DISP1: variants seen among roughly 807,000 people sequenced by gnomAD.
DISP1 encodes the protein dispatched RND transporter family member 1, also known as protein dispatched homolog 1.
DISP1 carries 30 observed loss-of-function variants against 37.3 expected under a neutral mutation model. The ratio of observed to expected loss-of-function variants is 0.80; its 90% CI spans 0.60 to 1.09. DISP1 has a LOEUF of 1.09. Among genes scored for constraint, DISP1 ranks in the 50% least tolerant of loss-of-function variants. The pLI is 0.00. For synonymous variants in DISP1, 634 were observed against 690.2 expected (o/e 0.92, Z 1.28); for missense variants, 1,598 against 1,879.5 (o/e 0.85, Z 2.77).
chr1:222,891,470 G>A (rs1670938046), intron 1 of DISP1, among the ~76,000 whole-genome samples: 1 of 152,122 alleles, frequency 6.6e-6, no homozygotes, highest in African/African-American at 2.4e-5. Flanking sequence ...TAGGTCAAAA[G>A]TAGGCTAAAA....
chr1:222,987,419 G>A (rs750955974), intron 4 of DISP1, among the ~76,000 whole-genome samples: 3 of 152,206 alleles, frequency 2.0e-5, no homozygotes, highest in African/African-American at 2.4e-5. Context: ...AAAGGTTAGC[G>A]TGGGAAACAT....
rs769585849 is a variant in DISP1, at chr1:223,002,953, G to A, written c.1556G>A (p.Cys519Tyr). Reference protein sequence around the residue: ...IAIVIVLLVMCVYTKSMFITL... With the variant: ...IAIVIVLLVMYVYTKSMFITL... ...ATTGTGATTGTCCTTTTAGTTATGT[G>A]TGTCTACACCAAGTCCATGTTTATC... Residue 519 changes from cysteine (C) to tyrosine (Y), a missense_variant, in exon 9 of 9, where the codon TGT becomes TAT. Transcript: ENST00000675850. The A allele has an allele frequency of 6.2e-7, 1 of 1,613,862 alleles. No individual in the cohort carries two copies. The highest frequency in any genetic ancestry group is 1.7e-5 in the Admixed American group (1 of 60,022).
intron 2 of DISP1, among the ~76,000 whole-genome samples, chr1:222,936,862 T>TA (rs1439315559): frequency 0.12 from 10,388 of 83,118 alleles, 1,149 homozygotes; most frequent in East Asian, 0.28. Context: ...GATATATAAT[T>TA]TATATATCAT....
chr1:222,962,257 C>G (rs1158160729), intron 3 of DISP1, among the ~76,000 whole-genome samples: 1 of 151,942 alleles, frequency 6.6e-6, no homozygotes, highest in African/African-American at 2.4e-5. Flanking sequence ...AGGAGAACTA[C>G]AAACCACTGC....
At chr1:222,946,276 T>C (rs911433594) in intron 3 of DISP1, among the ~76,000 whole-genome samples, 4 of 148,682 alleles carry the variant, frequency 2.7e-5, no homozygotes, top group Admixed American at 1.4e-4. Context: ...CCCAGCTACT[T>C]GGGAGGCTGA....
rs1404175058 is a variant in DISP1 at position 222,942,887 on chromosome 1, G to T, written c.64G>T (p.Ala22Ser). 1.9e-6 allele frequency: 3 copies of T among 1,614,010 alleles called. No homozygotes were observed. In the Admixed American group the frequency reaches 5.0e-5, roughly 27 times the overall value. ...GAGCAACAGCAGCATCGCAACCAGT[G>T]CTGCTAACCCGAGTCCCCTCACCCC... Reference protein sequence around the residue: ...VLSNSSIATSAANPSPLTPCD... With the variant: ...VLSNSSIATSSANPSPLTPCD... Residue 22 changes from alanine to serine, a missense_variant, in exon 3 of 9, where the codon GCT becomes TCT. Coordinates refer to ENST00000675850, the MANE Select transcript of DISP1 (RefSeq NM_001377229.1).
At chr1:222,914,002 GTTTTT>G (rs34776955) in intron 1 of DISP1, among the ~76,000 whole-genome samples, 1 of 128,734 alleles carries the variant, frequency 7.8e-6, no homozygotes. Flanking sequence ...TTTTTTGGTT[GTTTTT>G]TTTTTTTTTT....
At chr1:222,831,719 C>CA (rs1034496317) in intron 1 of DISP1, among the ~76,000 whole-genome samples, 1 of 152,010 alleles carries the variant, frequency 6.6e-6, no homozygotes, top group Non-Finnish European at 1.5e-5. Flanking sequence ...GTGTGGGGGA[C>CA]AAAGTACCCA....
chr1:222,838,057 A>AT (rs35182574), intron 1 of DISP1, among the ~76,000 whole-genome samples: 1 of 152,074 alleles, frequency 6.6e-6, no homozygotes, highest in Non-Finnish European at 1.5e-5. Context: ...TGCCATTTAA[A>AT]TTTTTTTCCC....
chr1:222,837,078 T>C (rs1397041528), intron 1 of DISP1: 6 of 398,328 alleles, frequency 1.5e-5, no homozygotes, highest in Admixed American at 4.4e-5. Flanking sequence ...TAGATGCCGG[T>C]AGATTGGGCC....
chr1:222,900,757 A>T (rs1671532093), intron 1 of DISP1, among the ~76,000 whole-genome samples: 2 of 152,336 alleles, frequency 1.3e-5, no homozygotes, highest in South Asian at 4.1e-4. Context: ...TTTTCAGTTG[A>T]TTGCAGTATG....
intron 1 of DISP1, chr1:222,837,075 C>T (rs975955707): frequency 7.5e-6 from 3 of 398,322 alleles, no homozygotes; most frequent in Admixed American, 4.4e-5. Flanking sequence ...AGGTAGATGC[C>T]GGTAGATTGG....
At chr1:222,994,763 C>G in intron 7 of DISP1, 122 bp from the exon 8 acceptor site, 1 of 704,240 alleles carries the variant, frequency 1.4e-6, no homozygotes, top group Non-Finnish European at 2.4e-6. Flanking sequence ...GAAAGAATTT[C>G]CTGCTGCTAA....
At chr1:222,853,684 A>C (rs565257096) in intron 1 of DISP1, among the ~76,000 whole-genome samples, 1 of 152,298 alleles carries the variant, frequency 6.6e-6, no homozygotes, top group Admixed American at 6.5e-5. Flanking sequence ...GTGGAAGCTA[A>C]AAAAGTTGAT....
At chr1:222,867,719 G>A (rs1369123897) in intron 1 of DISP1, among the ~76,000 whole-genome samples, 1 of 152,108 alleles carries the variant, frequency 6.6e-6, no homozygotes, top group African/African-American at 2.4e-5. Context: ...TAGAGCCTGG[G>A]TTTTATGGTT....
chr1:222,897,416 C>T (rs1671327058), intron 1 of DISP1, among the ~76,000 whole-genome samples: 3 of 151,972 alleles, frequency 2.0e-5, no homozygotes, highest in South Asian at 4.1e-4. Flanking sequence ...TGCATCTATT[C>T]GTTGTCAAAA....
At chr1:222,844,107 A>G (rs1667765700) in intron 1 of DISP1, among the ~76,000 whole-genome samples, 4 of 152,094 alleles carry the variant, frequency 2.6e-5, no homozygotes. Flanking sequence ...AAATCTCATC[A>G]TATCAGTTGT....
intron 1 of DISP1, among the ~76,000 whole-genome samples, chr1:222,852,223 A>C (rs566415105): frequency 6.8e-6 from 1 of 146,850 alleles, no homozygotes; most frequent in African/African-American, 2.5e-5. Flanking sequence ...AAAAAATTCC[A>C]AATTGACAGC....
intron 4 of DISP1, among the ~76,000 whole-genome samples, chr1:222,988,730 T>C (rs1678464595): frequency 6.6e-6 from 1 of 150,418 alleles, no homozygotes; most frequent in Non-Finnish European, 1.5e-5. Context: ...CTCTGCTCAC[T>C]GCAACCTCCG....
Sources: allele counts gnomAD v4.1 joint callset (sites outside exome capture counted in the v4.1 genomes callset), GRCh38; gene constraint gnomAD v4.1.1; transcripts MANE v1.5; gene names NCBI Gene and HGNC (gene_info 2026-07-23, HGNC 2026-07-21).